Variants in SCAND1 observed in about 807,000 individuals in gnomAD.
SCAND1 encodes SCAN domain containing 1.
In SCAND1, 3 loss-of-function variants were observed where a neutral mutation model predicts 3.4. The ratio of observed to expected loss-of-function variants is 0.87; its 90% CI spans 0.40 to 2.25. The LOEUF (loss-of-function observed/expected upper bound fraction) is 2.25, where lower values mean the gene tolerates loss of function less well. Among genes scored for constraint, SCAND1 ranks in the 30% most tolerant of loss-of-function variants. The probability of loss-of-function intolerance (pLI) is 0.05; values close to 1 mark genes in which losing one functional copy is unlikely to be tolerated. For synonymous variants in SCAND1, 152 were observed against 120.5 expected (o/e 1.26, Z -1.72); for missense variants, 303 against 258.8 (o/e 1.17, Z -1.17).
Position 35,954,483 on chromosome 20 carries a change from A to G in SCAND1, c.-91T>C, listed in dbSNP as rs1486812561. ...GAAGCGCCTGCGGCAGCCGGAAGCG[A>G]AAGTCTCTGGCTTCTCTGCGTCCAG... On this transcript the variant is annotated 5_prime_UTR_variant, in exon 1 of 2. Coordinates refer to ENST00000305978, the MANE Select transcript of SCAND1 (RefSeq NM_033630.3). 1.3e-6 allele frequency: 2 copies of G among 1,545,572 alleles called. No homozygotes were observed. Among genetic ancestry groups the G allele is most frequent in the African/African-American group, 1.4e-5 (1 of 72,964 alleles).
At chr20:35,954,621 C>G (rs1331172566), upstream of SCAND1, 5 of 1,340,202 alleles carry the variant, frequency 3.7e-6, no homozygotes, top group South Asian at 2.7e-5. Context: ...GGGCGAGCTG[C>G]GCGTGGCCTG....
upstream of SCAND1, among the ~76,000 whole-genome samples, chr20:35,957,376 C>T (rs1472488723): frequency 1.3e-5 from 2 of 151,612 alleles, no homozygotes; most frequent in African/African-American, 2.4e-5. Flanking sequence ...CACCTGAGCT[C>T]AGGAGTTCAA....
Position 35,953,750 on chromosome 20 carries a change from C to A in SCAND1, c.535G>T (p.Gly179Cys). ...GCCGCCCGCAGCTCCACCGCTCAGCCAGTGATGCGCACATCCGTGCGGCGG... is the reference window on the plus strand; with the variant it reads ...GCCGCCCGCAGCTCCACCGCTCAGCAAGTGATGCGCACATCCGTGCGGCGG... ...IRRRTDVRIT[G>C] The change falls in exon 2 of 2, where the codon GGC becomes TGC. Residue 179 changes from glycine to cysteine, a missense_variant. Gly to Cys is a radical substitution (Grantham distance 159, BLOSUM62 -3). Transcript: ENST00000305978. 2 of 1,443,254 alleles carry A rather than the reference C, an allele frequency of 1.4e-6. No individual in the cohort carries two copies. The highest frequency in any genetic ancestry group is 9.1e-7 in the Non-Finnish European group (1 of 1,102,320). The allele number at this position is 1,443,254 out of a possible 1,614,324, so 89.4% of individuals were successfully genotyped here. A position where few individuals can be genotyped will look rare whatever the true frequency, so the allele number is the denominator to read the frequency against.
chr20:35,954,508 G>C, upstream of SCAND1: 2 of 1,534,568 alleles, frequency 1.3e-6, no homozygotes, highest in Non-Finnish European at 1.8e-6. Flanking sequence ...TCTGCGTCCA[G>C]GTCGGCGCGC....
In SCAND1 at chr20:35,954,097, G is replaced by C; in HGVS notation, c.188C>G (p.Thr63Arg). The C allele has an allele frequency of 1.3e-6, 2 of 1,538,902 alleles. No homozygotes were observed. The highest frequency in any genetic ancestry group is 1.8e-6 in the Non-Finnish European group (2 of 1,138,870). The change falls in exon 2 of 2, where the codon ACG becomes AGG. Residue 63 changes from threonine (T) to arginine (R), a missense_variant. By Grantham distance (71) the Thr-to-Arg change is moderately conservative. Coordinates refer to ENST00000305978, the MANE Select transcript of SCAND1 (RefSeq NM_033630.3). ...PNAAVPEAIP[T>R]PRAAASAALE... is the part of the protein sequence containing the mutation. ...GGCCGCGGAGGCCGCAGCTCGGGGC[G>C]TAGGGATGGCTTCAGGGACCGCGGC...
upstream of SCAND1, chr20:35,957,679 C>G (rs1048829161): frequency 7.2e-5 from 11 of 152,246 alleles, no homozygotes; most frequent in African/African-American, 2.2e-4. Context: ...CCAGATTAAG[C>G]TTAAAATATA....
At position 35,953,838 on chromosome 20, in the gene SCAND1, C is replaced by G. The variant is rs1369160165; in HGVS notation, c.447G>C (p.Glu149Asp). The part of the protein sequence containing the change: ...PDIRTKEQIV[E>D]MLVQEQLLAI... Reference sequence around the variant, plus strand: ...CGAGCAGCTGCTCTTGCACCAGCATCTCCACGATCTGCTCCTTGGTGCGGA... The same window carrying G: ...CGAGCAGCTGCTCTTGCACCAGCATGTCCACGATCTGCTCCTTGGTGCGGA... The change falls in exon 2 of 2, where the codon GAG (glutamate) becomes GAC (aspartate). Residue 149 changes from glutamate to aspartate, a missense_variant. Transcript: ENST00000305978. The G allele has an allele frequency of 1.9e-6, 3 of 1,582,094 alleles. No individual in the cohort carries two copies. In the East Asian group the frequency reaches 6.9e-5, roughly 37 times the overall value.
upstream of SCAND1, among the ~76,000 whole-genome samples, chr20:35,957,526 T>A (rs2056268987): frequency 6.6e-6 from 1 of 152,198 alleles, no homozygotes; most frequent in African/African-American, 2.4e-5. Context: ...CTTTGGTATA[T>A]GCTTGAAAAT....
chr20:35,953,677 C>A lies in SCAND1; in HGVS notation c.*68G>T. On this transcript the variant is annotated 3_prime_UTR_variant, in exon 2 of 2. Transcript: ENST00000305978. ...CACGGGGTGGGGTCCCAGGCTCAGG[C>A]CCCCGGGCCCGATCATGGCCCCAGT... 2 of 1,072,138 alleles carry A rather than the reference C, an allele frequency of 1.9e-6. No homozygotes were observed. Among genetic ancestry groups the A allele is most frequent in the East Asian group, 3.1e-5 (1 of 32,152 alleles). The allele number at this position is 1,072,138 out of a possible 1,614,324, so 66.4% of individuals were successfully genotyped here.
At position 35,954,121 on chromosome 20, in the gene SCAND1, G is replaced by A; in HGVS notation, c.164C>T (p.Ala55Val). Reference sequence around the variant, plus strand: ...CGTAGGGATGGCTTCAGGGACCGCGGCGTTGGGACTGGAAGGCTCAGGGGC... The same window carrying A: ...CGTAGGGATGGCTTCAGGGACCGCGACGTTGGGACTGGAAGGCTCAGGGGC... Reference protein sequence around the residue: ...PPAPEPSSPNAAVPEAIPTPR... With the variant: ...PPAPEPSSPNVAVPEAIPTPR... The change falls in exon 2 of 2, where the codon GCC becomes GTC. Residue 55 changes from alanine to valine, a missense_variant. By Grantham distance (64) the Ala-to-Val change is moderately conservative. Transcript: ENST00000305978. The A allele has an allele frequency of 6.5e-7, 1 of 1,550,078 alleles. No homozygotes were observed. The highest frequency in any genetic ancestry group is 1.2e-5 in the South Asian group (1 of 85,284).
chr20:35,956,728 GC>G (rs149652528), upstream of SCAND1, among the ~76,000 whole-genome samples: 307 of 152,244 alleles, frequency 2.0e-3, 9 homozygotes, highest in East Asian at 0.045. Context: ...CAGTTTCTAG[GC>G]CTAAGGGAGC....
Position 35,954,307 on chromosome 20 carries a change from C to T in SCAND1, c.-23G>A, listed in dbSNP as rs773543097. The T allele has an allele frequency of 1.2e-6, 2 of 1,613,276 alleles. No homozygotes were observed. Among genetic ancestry groups the T allele is most frequent in the African/African-American group, 1.3e-5 (1 of 74,932 alleles). ...CATAACTCCAGCTCCGGGCGTCACT[C>T]TTTGTCCGGTAGCTGTGTGCTCAGC... On this transcript the variant is annotated 5_prime_UTR_variant, in exon 2 of 2. Transcript: ENST00000305978.
chr20:35,954,492 G>C lies in SCAND1; in HGVS notation c.-100C>G. 6.5e-7 allele frequency: 1 copy of C among 1,543,292 alleles called. No homozygotes were observed. ...GCGGCAGCCGGAAGCGAAAGTCTCTGGCTTCTCTGCGTCCAGGTCGGCGCG... is the reference window on the plus strand; with the variant it reads ...GCGGCAGCCGGAAGCGAAAGTCTCTCGCTTCTCTGCGTCCAGGTCGGCGCG... On this transcript the variant is annotated 5_prime_UTR_variant, in exon 1 of 2. Transcript: ENST00000305978.
At chr20:35,958,262 A>G (rs1292795825), upstream of SCAND1, among the ~76,000 whole-genome samples, 2 of 151,910 alleles carry the variant, frequency 1.3e-5, no homozygotes, top group Admixed American at 6.6e-5. Context: ...GAAATCCCAT[A>G]TCTACTAAAA....
In SCAND1 at chr20:35,954,436, T is replaced by A; in HGVS notation, c.-56+12A>T. The A allele has an allele frequency of 1.3e-6, 2 of 1,549,894 alleles. No homozygotes were observed. The highest frequency in any genetic ancestry group is 1.7e-6 in the Non-Finnish European group (2 of 1,146,980). The stretch of plus-strand genomic sequence containing the variant: ...TCGGACTCGGGACCGGCCGAGAGTG[T>A]GCGGAGCTTACCTGCACCAGCGAAG... On this transcript the variant is annotated intron_variant, in intron 1 of 1. Transcript: ENST00000305978.
At chr20:35,957,904 G>T (rs2056272152), upstream of SCAND1, 1 of 152,152 alleles carries the variant, frequency 6.6e-6, no homozygotes, top group African/African-American at 2.4e-5. Flanking sequence ...ATATCACTTA[G>T]CTTCCAACAC....
upstream of SCAND1, chr20:35,959,179 T>TATATA (rs1463836308): frequency 6.6e-6 from 1 of 152,214 alleles, no homozygotes; most frequent in Non-Finnish European, 1.5e-5. Context: ...AGGAGAAATA[T>TATATA]ATATAAGGGA....
At chr20:35,954,589 C>T (rs1356989080), upstream of SCAND1, 20 of 1,420,220 alleles carry the variant, frequency 1.4e-5, no homozygotes, top group Non-Finnish European at 1.7e-5. Flanking sequence ...CATGAGGCGG[C>T]TGCTGCCCTC....
chr20:35,959,097 T>C (rs1040525213), upstream of SCAND1: 2 of 152,240 alleles, frequency 1.3e-5, no homozygotes, highest in Non-Finnish European at 2.9e-5. Flanking sequence ...ATGACATGGC[T>C]TTGGGTAATC....
Sources: allele counts gnomAD v4.1 joint callset (sites outside exome capture counted in the v4.1 genomes callset), GRCh38; gene constraint gnomAD v4.1.1; transcripts MANE v1.5; gene names NCBI Gene and HGNC (gene_info 2026-07-23, HGNC 2026-07-21).